The following ZNF354C variants were observed in gnomAD, a reference collection of about 807,000 sequenced individuals.
ZNF354C encodes the protein KRAB-zinc finger protein synten.
ZNF354C carries 7 observed loss-of-function variants against 12.4 expected under a neutral mutation model. The ratio of observed to expected loss-of-function variants is 0.56; its 90% CI spans 0.32 to 1.06. ZNF354C has a LOEUF of 1.06. Ranked by LOEUF, ZNF354C falls within the 50% of genes least tolerant of loss-of-function variation. ZNF354C has a pLI of 0.04. For missense variants in ZNF354C, 609 were observed against 658.0 expected, an observed-to-expected ratio of 0.93 and a Z score of 0.81; for synonymous variants, 202 against 224.5, an observed-to-expected ratio of 0.90 and a Z score of 0.90.
intron 2 of ZNF354C, among the ~76,000 whole-genome samples, chr5:179,072,696 T>C (rs998086557): frequency 1.9e-4 from 29 of 152,290 alleles, no homozygotes; most frequent in African/African-American, 6.3e-4. Context: ...TATAAAATTT[T>C]CCACCAGCTA....
Position 179,083,090 on chromosome 5 carries a change from C to T in ZNF354C, c.*2993C>T. The T allele has an allele frequency of 1.5e-6, 1 of 686,970 alleles. No homozygotes were observed. Among genetic ancestry groups the T allele is most frequent in the Non-Finnish European group, 2.5e-6 (1 of 401,602 alleles). 42.6% of individuals were successfully genotyped at this position (686,970 alleles called of 1,614,324 possible). A position where few individuals can be genotyped will look rare whatever the true frequency, so the allele number is the denominator to read the frequency against. Reference sequence around the variant, plus strand: ...TAAGCCATAGTTTGTGCATTTTGGCCCTGGTCTGGACTTTTCAAAAAGCAA... The same window carrying T: ...TAAGCCATAGTTTGTGCATTTTGGCTCTGGTCTGGACTTTTCAAAAAGCAA... On this transcript the variant is annotated 3_prime_UTR_variant, in exon 5 of 5. Coordinates refer to ENST00000315475, the MANE Select transcript of ZNF354C (RefSeq NM_014594.3).
chr5:179,064,561 C>T (rs1422196039), intron 2 of ZNF354C, among the ~76,000 whole-genome samples: 1 of 151,806 alleles, frequency 6.6e-6, no homozygotes, highest in Non-Finnish European at 1.5e-5. Context: ...GGACTACAGG[C>T]GCCCACCACC....
chr5:179,074,117 G>A (rs1762082901), intron 2 of ZNF354C, among the ~76,000 whole-genome samples: 1 of 151,656 alleles, frequency 6.6e-6, no homozygotes, highest in Admixed American at 6.6e-5. Context: ...CGAGTAGCTG[G>A]GACTACAGGC....
rs1305911237 is a variant in ZNF354C at position 179,078,736 on chromosome 5, A to G, written c.304A>G (p.Ile102Val). Residue 102 changes from isoleucine (I) to valine (V), a missense_variant, in exon 5 of 5, where the codon ATA (isoleucine) becomes GTA (valine). Coordinates refer to ENST00000315475, the MANE Select transcript of ZNF354C (RefSeq NM_014594.3). ...ATTGCCTCATAGACAGGACATTTTT[A>G]TAGAAGAAACATCTCAGGGAATGGT... ...EALPHRQDIFIEETSQGMVKK... is the reference protein window; with the variant it reads ...EALPHRQDIFVEETSQGMVKK... 5 of 1,612,086 alleles carry G rather than the reference A, an allele frequency of 3.1e-6. No homozygotes were observed. The highest frequency in any genetic ancestry group is 1.3e-5 in the African/African-American group (1 of 74,856).
At chr5:179,061,424 G>T (rs930455651) in intron 1 of ZNF354C, among the ~76,000 whole-genome samples, 3 of 152,198 alleles carry the variant, frequency 2.0e-5, no homozygotes, top group Non-Finnish European at 2.9e-5. Context: ...TTTGGGTGGG[G>T]ACAGTGCCTT....
At position 179,082,578 on chromosome 5, in the gene ZNF354C, T is replaced by A; in HGVS notation, c.*2481T>A. The stretch of plus-strand genomic sequence containing the variant: ...GCTCAAAAGAACTAAGTATTCCAGA[T>A]TTCGGGAGGGATGAAGAGGGAGATA... On this transcript the variant is annotated 3_prime_UTR_variant, in exon 5 of 5. Coordinates refer to ENST00000315475, the MANE Select transcript of ZNF354C (RefSeq NM_014594.3). The A allele has an allele frequency of 1.1e-6, 1 of 914,008 alleles. No individual in the cohort carries two copies. The allele number at this position is 914,008 out of a possible 1,614,324, so 56.6% of individuals were successfully genotyped here.
At chr5:179,061,466 G>A (rs939093167) in intron 1 of ZNF354C, among the ~76,000 whole-genome samples, 1 of 152,170 alleles carries the variant, frequency 6.6e-6, no homozygotes, top group Admixed American at 6.5e-5. Context: ...GTGTGGTAAG[G>A]CCCGACGAAG....
At position 179,083,149 on chromosome 5, in the gene ZNF354C, T is replaced by TAA; in HGVS notation, c.*3053_*3054dup. The TAA allele has an allele frequency of 2.0e-6, 1 of 494,526 alleles. No individual in the cohort carries two copies. Among genetic ancestry groups the TAA allele is most frequent in the Non-Finnish European group, 3.7e-6 (1 of 270,534 alleles). The allele number at this position is 494,526 out of a possible 1,614,324, so 30.6% of individuals were successfully genotyped here. On this transcript the variant is annotated 3_prime_UTR_variant, in exon 5 of 5. Coordinates refer to ENST00000315475, the MANE Select transcript of ZNF354C (RefSeq NM_014594.3). ...AAACAAAAAGTGGTCTCTGCTAGAT[T>TAA]AAGACAAGAGACATAACCAAATGGA...
In ZNF354C at chr5:179,080,343, T is replaced by C. The variant is rs6601011; in HGVS notation, c.*246T>C. Reference sequence around the variant, plus strand: ...TAATTCATAGAAAAAATGTAAAAGGTCTTTTTAAAAATCATGAAAAATAGT... The same window carrying C: ...TAATTCATAGAAAAAATGTAAAAGGCCTTTTTAAAAATCATGAAAAATAGT... On this transcript the variant is annotated 3_prime_UTR_variant, in exon 5 of 5. Transcript: ENST00000315475. 176,266 of 255,068 alleles carry C rather than the reference T, an allele frequency of 0.69. 61,459 individuals carry two copies. The highest frequency in any genetic ancestry group is 0.88 in the East Asian group (11,408 of 13,036). 15.8% of individuals were successfully genotyped at this position (255,068 alleles called of 1,614,324 possible).
chr5:179,078,839 A>G lies in ZNF354C; in HGVS notation c.407A>G (p.Glu136Gly). 6.2e-7 allele frequency: 1 copy of G among 1,614,144 alleles called. No homozygotes were observed. Among genetic ancestry groups the G allele is most frequent in the Non-Finnish European group, 8.5e-7 (1 of 1,180,004 alleles). Residue 136 changes from glutamate to glycine, a missense_variant, in exon 5 of 5, where the codon GAA (glutamate) becomes GGA (glycine). Physicochemically the swap from Glu to Gly is moderately conservative, Grantham distance 98. Transcript: ENST00000315475. Reference protein sequence around the residue: ...EAVEFESEIEEEQEKKPLRQM... With the variant: ...EAVEFESEIEGEQEKKPLRQM... ...GTGGAATTTGAGAGCGAGATAGAAGAAGAGCAAGAGAAGAAACCTCTTAGA... is the reference window on the plus strand; with the variant it reads ...GTGGAATTTGAGAGCGAGATAGAAGGAGAGCAAGAGAAGAAACCTCTTAGA...
chr5:179,076,610 A>T, intron 3 of ZNF354C, 39 bp downstream of exon 3: 1 of 1,609,128 alleles, frequency 6.2e-7, no homozygotes. Context: ...CTGTTATAGG[A>T]ACGCCTCACA....
intron 2 of ZNF354C, among the ~76,000 whole-genome samples, chr5:179,073,440 C>G (rs1316530663): frequency 1.3e-5 from 2 of 152,048 alleles, no homozygotes; most frequent in Non-Finnish European, 2.9e-5. Flanking sequence ...TTGCTTAAAG[C>G]AAAATAATAC....
Position 179,082,661 on chromosome 5 carries a change from T to C in ZNF354C, c.*2564T>C, listed in dbSNP as rs1762244984. The C allele has an allele frequency of 2.5e-6, 4 of 1,583,456 alleles. No homozygotes were observed. The highest frequency in any genetic ancestry group is 3.5e-6 in the Non-Finnish European group (4 of 1,155,174). ...GATCATAGTGGATTAATGACGTGCTTTGTGGATGTGGTTAGTCAATGACAC... is the reference window on the plus strand; with the variant it reads ...GATCATAGTGGATTAATGACGTGCTCTGTGGATGTGGTTAGTCAATGACAC... On this transcript the variant is annotated 3_prime_UTR_variant, in exon 5 of 5. Coordinates refer to ENST00000315475, the MANE Select transcript of ZNF354C (RefSeq NM_014594.3).
chr5:179,067,244 C>A (rs1486811302), intron 2 of ZNF354C, among the ~76,000 whole-genome samples: 1 of 152,190 alleles, frequency 6.6e-6, no homozygotes, highest in African/African-American at 2.4e-5. Flanking sequence ...TTGCTGTTGG[C>A]TCATTGCTGT....
At chr5:179,063,752 A>C (rs992959385) in intron 2 of ZNF354C, among the ~76,000 whole-genome samples, 1 of 152,276 alleles carries the variant, frequency 6.6e-6, no homozygotes, top group African/African-American at 2.4e-5. Context: ...AAGGTCACAC[A>C]GCTGGCTTTT....
chr5:179,078,979 A>G lies in ZNF354C; in HGVS notation c.547A>G (p.Ile183Val). The change falls in exon 5 of 5, where the codon ATA (isoleucine) becomes GTA (valine). Residue 183 changes from isoleucine to valine, a missense_variant. By Grantham distance (29) the Ile-to-Val change is conservative. Transcript: ENST00000315475. Reference sequence around the variant, plus strand: ...TCTTGTCACACAACAGAGTGTTCCTATAGAAAGGATACCCAATATGTATTA... The same window carrying G: ...TCTTGTCACACAACAGAGTGTTCCTGTAGAAAGGATACCCAATATGTATTA... ...TALVTQQSVP[I>V]ERIPNMYYTF... 1 of 1,613,894 alleles carries G rather than the reference A, an allele frequency of 6.2e-7. No homozygotes were observed. Among genetic ancestry groups the G allele is most frequent in the Non-Finnish European group, 8.5e-7 (1 of 1,179,974 alleles).
chr5:179,073,649 G>T (rs371486746), intron 2 of ZNF354C, among the ~76,000 whole-genome samples: 41 of 151,976 alleles, frequency 2.7e-4, no homozygotes, highest in East Asian at 2.5e-3. Context: ...ATGGTTTTTT[G>T]TTGTTGTTGT....
rs367847929 is a variant in ZNF354C at position 179,078,741 on chromosome 5, A to G, written c.309A>G (p.Glu103=). ...ALPHRQDIFI[E]ETSQGMVKKE... Reference sequence around the variant, plus strand: ...CTCATAGACAGGACATTTTTATAGAAGAAACATCTCAGGGAATGGTAAAGA... The same window carrying G: ...CTCATAGACAGGACATTTTTATAGAGGAAACATCTCAGGGAATGGTAAAGA... Residue 103 remains glutamate (E), a synonymous_variant, in exon 5 of 5, where the codon GAA becomes GAG. Coordinates refer to ENST00000315475, the MANE Select transcript of ZNF354C (RefSeq NM_014594.3). The G allele has an allele frequency of 6.2e-7, 1 of 1,612,678 alleles. No individual in the cohort carries two copies. The highest frequency in any genetic ancestry group is 1.7e-4 in the Middle Eastern group (1 of 6,054).
chr5:179,079,672 T>C lies in ZNF354C; in HGVS notation c.1240T>C (p.Cys414Arg). Residue 414 changes from cysteine to arginine, a missense_variant, in exon 5 of 5, where the codon TGC becomes CGC. Coordinates refer to ENST00000315475, the MANE Select transcript of ZNF354C (RefSeq NM_014594.3). This position sits in a 1 kb window ranked among gnomAD's most constrained non-coding sequence, Gnocchi z 4.2. Reference protein sequence around the residue: ...RIHTGQKPYQCNECEKAFNQY... With the variant: ...RIHTGQKPYQRNECEKAFNQY... ...TCACACTGGACAAAAACCTTATCAG[T>C]GCAACGAATGTGAGAAAGCCTTCAA... The C allele has an allele frequency of 6.2e-7, 1 of 1,614,198 alleles. No individual in the cohort carries two copies. Among genetic ancestry groups the C allele is most frequent in the Non-Finnish European group, 8.5e-7 (1 of 1,180,028 alleles).
Sources: gnomAD v4.1 joint callset for allele counts (sites outside exome capture counted in the v4.1 genomes callset) on GRCh38, gnomAD v4.1.1 for gene constraint, Gnocchi (gnomAD v3.1) non-coding constraint, MANE v1.5 for transcripts, NCBI Gene and HGNC (gene_info 2026-07-23, HGNC 2026-07-21) for gene names.